TRNT1: variants seen among roughly 807,000 people sequenced by gnomAD.
The protein encoded by TRNT1 is tRNA nucleotidyl transferase 1, also known as CCA tRNA nucleotidyltransferase 1, mitochondrial.
In TRNT1, 44 loss-of-function variants were observed where a neutral mutation model predicts 45.6. The observed-to-expected ratio is 0.97, with a 90% confidence interval of 0.76 to 1.24. TRNT1 has a LOEUF of 1.24. TRNT1 is among the 50% of genes most tolerant of loss of function. TRNT1 has a pLI of 0.00. For missense variants in TRNT1, 633 were observed against 504.4 expected, an observed-to-expected ratio of 1.25 and a Z score of -2.44; for synonymous variants, 201 against 171.4, an observed-to-expected ratio of 1.17 and a Z score of -1.35.
chr3:3,129,848 C>G lies in TRNT1; in HGVS notation c.148+660C>G, dbSNP rs540249296. 1.3e-4 allele frequency: 206 copies of G among 1,549,222 alleles called. 1 individual carries two copies. The African/African-American group carries it at 2.4e-3, about 18-fold the overall frequency. ...GTTTCTGTAACTACTAACTAGAGAG[C>G]TAGGTTTCGAACTTACGCAGATTGA... On this transcript the variant is annotated intron_variant, in intron 2 of 7. Coordinates refer to ENST00000251607, the MANE Select transcript of TRNT1 (RefSeq NM_182916.3).
At chr3:3,141,888 T>C (rs142233365) in intron 4 of TRNT1, among the ~76,000 whole-genome samples, 12 of 152,332 alleles carry the variant, frequency 7.9e-5, no homozygotes, top group African/African-American at 2.6e-4. Context: ...AGGTACAACA[T>C]TGGGTACCTG....
At chr3:3,127,174 C>T (rs1012059479) in intron 1 of TRNT1, 184 bp downstream of exon 1, 2 of 152,358 alleles carry the variant, frequency 1.3e-5, no homozygotes, top group Non-Finnish European at 2.9e-5. Context: ...GTCCCCGCCA[C>T]GTTTCCGGCG....
intron 2 of TRNT1, chr3:3,130,638 A>G (rs1191744464): frequency 6.6e-6 from 1 of 152,246 alleles, no homozygotes; most frequent in East Asian, 1.9e-4. Flanking sequence ...TTTACTAACC[A>G]CATTAAAAAG....
intron 1 of TRNT1, 55 bp from the exon 2 acceptor site, chr3:3,128,959 C>G: frequency 7.6e-7 from 1 of 1,323,080 alleles, no homozygotes; most frequent in Non-Finnish European, 1.0e-6. Flanking sequence ...CTTTGTTTTC[C>G]TTCACTTACC....
At chr3:3,152,348 T>G, downstream of TRNT1, 1 of 1,222,128 alleles carries the variant, frequency 8.2e-7, no homozygotes, top group Non-Finnish European at 1.2e-6. Flanking sequence ...CATTTGTCTG[T>G]CTACTTTTTA....
At chr3:3,153,325 A>G, downstream of TRNT1, 1 of 737,666 alleles carries the variant, frequency 1.4e-6, no homozygotes, top group South Asian at 1.5e-5. Flanking sequence ...AATGTTTGTA[A>G]CTTTAAGGTA....
At chr3:3,150,842 A>AACTG (rs777312867), downstream of TRNT1, 36 of 1,606,200 alleles carry the variant, frequency 2.2e-5, no homozygotes, top group Non-Finnish European at 3.0e-5. Flanking sequence ...TTTGTTAGAT[A>AACTG]ACTTTATCTC....
chr3:3,144,883 C>T, intron 5 of TRNT1, 173 bp downstream of exon 5: 2 of 436,810 alleles, frequency 4.6e-6, no homozygotes, highest in Middle Eastern at 6.6e-4. Flanking sequence ...TTAGCTACTT[C>T]ATATTGTATT....
chr3:3,153,289 G>C (rs1706714639), downstream of TRNT1: 6 of 626,666 alleles, frequency 9.6e-6, no homozygotes, highest in Non-Finnish European at 1.2e-5. Context: ...GCAAAAGTGA[G>C]CTAATTCCCT....
intron 2 of TRNT1, chr3:3,129,553 G>A: frequency 2.3e-6 from 1 of 427,642 alleles, no homozygotes; most frequent in Non-Finnish European, 4.3e-6. Context: ...TGCCACTCTA[G>A]CCTGGGCAAC....
chr3:3,140,614 A>C lies in TRNT1; in HGVS notation c.447A>C (p.Glu149Asp). The C allele has an allele frequency of 6.2e-7, 1 of 1,614,174 alleles. No individual in the cohort carries two copies. The highest frequency in any genetic ancestry group is 8.5e-7 in the Non-Finnish European group (1 of 1,180,002). Reference sequence around the variant, plus strand: ...CAACTGACTGGCAGAAAGATGCGGAACGCAGAGATCTCACTATAAATTCTA... The same window carrying C: ...CAACTGACTGGCAGAAAGATGCGGACCGCAGAGATCTCACTATAAATTCTA... ...EFTTDWQKDA[E>D]RRDLTINSMF... The change falls in exon 4 of 8, where the codon GAA becomes GAC. Residue 149 changes from glutamate (E) to aspartate (D), a missense_variant. Glu to Asp is a conservative substitution (Grantham distance 45). Coordinates refer to ENST00000251607, the MANE Select transcript of TRNT1 (RefSeq NM_182916.3).
At chr3:3,129,673 T>A (rs937180744) in intron 2 of TRNT1, among the ~76,000 whole-genome samples, 1 of 152,254 alleles carries the variant, frequency 6.6e-6, no homozygotes, top group African/African-American at 2.4e-5. Flanking sequence ...AGAAGTTGAC[T>A]GCAGTAAAAA....
chr3:3,137,570 T>A (rs1705404578), intron 3 of TRNT1, 117 bp downstream of exon 3: 2 of 850,952 alleles, frequency 2.4e-6, no homozygotes, highest in African/African-American at 3.5e-5. Context: ...GTCTCTTCTA[T>A]GCCCGTCATA....
intron 4 of TRNT1, among the ~76,000 whole-genome samples, chr3:3,143,007 C>T (rs1342417438): frequency 6.6e-6 from 1 of 152,176 alleles, no homozygotes; most frequent in East Asian, 1.9e-4. Context: ...TACCAATGTA[C>T]TGTTGCTTTT....
downstream of TRNT1, chr3:3,152,618 T>G: frequency 6.8e-6 from 11 of 1,613,666 alleles, no homozygotes; most frequent in Non-Finnish European, 9.3e-6. Context: ...GGAGAACACG[T>G]CAAAACGAGA....
At chr3:3,132,886 A>G (rs913160621) in intron 2 of TRNT1, among the ~76,000 whole-genome samples, 5 of 152,126 alleles carry the variant, frequency 3.3e-5, no homozygotes, top group African/African-American at 7.2e-5. Flanking sequence ...GAACATGGAT[A>G]TATTCTAAAG....
At chr3:3,153,159 G>A (rs1575080235), downstream of TRNT1, 1 of 421,168 alleles carries the variant, frequency 2.4e-6, no homozygotes, top group Non-Finnish European at 4.4e-6. Context: ...TATATAGATT[G>A]TCAACAAGAA....
At chr3:3,133,844 C>T (rs992374839) in intron 2 of TRNT1, among the ~76,000 whole-genome samples, 1 of 152,078 alleles carries the variant, frequency 6.6e-6, no homozygotes, top group African/African-American at 2.4e-5. Flanking sequence ...TCTTCCCACT[C>T]ATAGCTCCCA....
downstream of TRNT1, chr3:3,149,883 T>C (rs959581581): frequency 2.0e-5 from 3 of 152,112 alleles, no homozygotes; most frequent in African/African-American, 4.8e-5. Flanking sequence ...ACGAAAGTTA[T>C]CATACAAATG....
Sources: allele counts gnomAD v4.1 joint callset (sites outside exome capture counted in the v4.1 genomes callset), GRCh38; gene constraint gnomAD v4.1.1; transcripts MANE v1.5; gene names NCBI Gene and HGNC (gene_info 2026-07-23, HGNC 2026-07-21).